TUSC3: variants seen among roughly 807,000 people sequenced by gnomAD.
TUSC3 encodes dolichyl-diphosphooligosaccharide--protein glycosyltransferase subunit TUSC3.
In TUSC3, 45 loss-of-function variants were observed where a neutral mutation model predicts 44.8. That is an observed-to-expected ratio of 1.00 (90% CI 0.79 to 1.29). The LOEUF (loss-of-function observed/expected upper bound fraction) is 1.29, where lower values mean the gene tolerates loss of function less well. Among genes scored for constraint, TUSC3 ranks in the 50% most tolerant of loss-of-function variants. TUSC3 has a pLI of 0.00. For synonymous variants in TUSC3, 212 were observed against 152.9 expected (o/e 1.39, Z -2.85); for missense variants, 519 against 437.9 (o/e 1.19, Z -1.65).
chr8:15,548,899 C>T (rs914304650), intron 1 of TUSC3, among the ~76,000 whole-genome samples: 2 of 151,722 alleles, frequency 1.3e-5, no homozygotes, highest in Non-Finnish European at 2.9e-5. Flanking sequence ...ATCCTTGAAT[C>T]TCAGTGATCA....
Position 15,608,119 on chromosome 8 carries a change from C to T in TUSC3, c.139-14961C>T, listed in dbSNP as rs543090633. ...TTGCATTTAATTAGCACTATATTCACATTTGGCTTTTACCATAGCTTATTT... is the reference window on the plus strand; with the variant it reads ...TTGCATTTAATTAGCACTATATTCATATTTGGCTTTTACCATAGCTTATTT... On this transcript the variant is annotated intron_variant, in intron 1 of 10. Transcript: ENST00000503731. Among the ~76,000 whole-genome samples, 6 of 152,262 alleles carry T rather than the reference C, an allele frequency of 3.9e-5. No homozygotes were observed. The East Asian group carries it at 9.7e-4, about 25-fold the overall frequency.
Position 15,555,753 on chromosome 8 carries a change from C to A in TUSC3, c.138+15185C>A, listed in dbSNP as rs184994447. Among the ~76,000 whole-genome samples the A allele has an allele frequency of 1.9e-4, 29 of 151,556 alleles. No homozygotes were observed. The East Asian group carries it at 3.1e-3, about 16-fold the overall frequency. On this transcript the variant is annotated intron_variant, in intron 1 of 10. Transcript: ENST00000503731. Reference sequence around the variant, plus strand: ...GGAATATTGCATGTATCTAAAGAATCTTGTAGAAGTTTAGCAACATTTGAT... The same window carrying A: ...GGAATATTGCATGTATCTAAAGAATATTGTAGAAGTTTAGCAACATTTGAT...
chr8:15,602,353 C>G (rs1465033474), intron 1 of TUSC3, among the ~76,000 whole-genome samples: 1 of 151,630 alleles, frequency 6.6e-6, no homozygotes, highest in African/African-American at 2.4e-5. Flanking sequence ...GGACAAACTT[C>G]CATCATGAAT....
chr8:15,423,961 TTTGC>T (rs1198269173), intron 1 of TUSC3, among the ~76,000 whole-genome samples: 3 of 141,808 alleles, frequency 2.1e-5, no homozygotes, highest in Admixed American at 7.5e-5. Context: ...TTCATACTGT[TTTGC>T]TTTGTTTTTT....
At chr8:15,422,761 G>C (rs1020550655) in intron 1 of TUSC3, among the ~76,000 whole-genome samples, 3 of 151,874 alleles carry the variant, frequency 2.0e-5, no homozygotes, top group Middle Eastern at 3.2e-3. Context: ...CCCCACCTCA[G>C]CCTCCCAGGT....
At chr8:15,821,400 G>A in the TUSC3 span, among the ~76,000 whole-genome samples, 1 of 126,876 alleles carries the variant, frequency 7.9e-6, no homozygotes, top group East Asian at 2.2e-4. Flanking sequence ...TCCTGTTTGT[G>A]GTTTGCTGAT....
intron 1 of TUSC3, among the ~76,000 whole-genome samples, chr8:15,585,620 C>T (rs761930744): frequency 1.3e-5 from 2 of 152,142 alleles, no homozygotes; most frequent in Non-Finnish European, 2.9e-5. Context: ...CCTGTGGGCC[C>T]TTAGCCTAGA....
chr8:15,480,383 G>A (rs1465456007), intron 1 of TUSC3, among the ~76,000 whole-genome samples: 1 of 152,136 alleles, frequency 6.6e-6, no homozygotes, highest in Non-Finnish European at 1.5e-5. Context: ...TGCTATACTT[G>A]ACTTTTCCTG....
At chr8:15,476,448 A>G (rs765818759) in intron 1 of TUSC3, among the ~76,000 whole-genome samples, 1 of 152,220 alleles carries the variant, frequency 6.6e-6, no homozygotes, top group Non-Finnish European at 1.5e-5. Flanking sequence ...TAGTAGCTAC[A>G]TTACCAAAGT....
chr8:15,754,200 G>GT (rs1420042313), intron 9 of TUSC3, among the ~76,000 whole-genome samples: 2 of 152,164 alleles, frequency 1.3e-5, no homozygotes, highest in South Asian at 2.1e-4. Flanking sequence ...ACTCCCGAAG[G>GT]TATTTCCTGG....
At position 15,454,241 on chromosome 8, in the gene TUSC3, C is replaced by T. The variant is rs568109873; in HGVS notation, n.92-29145C>T. ...GATCTCTCAAGTCACCCCCTTGGCC[C>T]TCTTCCAAGTGTACTTTACTCCATT... On this transcript the variant is annotated intron_variant and non_coding_transcript_variant, in intron 1 of 5. Coordinates refer to the TUSC3 transcript ENST00000503191. Among the ~76,000 whole-genome samples, 23 of 152,272 alleles carry T rather than the reference C, an allele frequency of 1.5e-4. 1 individual carries two copies. The highest frequency in any genetic ancestry group is 5.3e-4 in the African/African-American group (22 of 41,582).
chr8:15,772,467 A>G, the TUSC3 span, among the ~76,000 whole-genome samples: 3 of 152,222 alleles, frequency 2.0e-5, no homozygotes, highest in Non-Finnish European at 4.4e-5. Context: ...ATGAAAATTT[A>G]CTCAACAAAA....
At chr8:15,464,331 A>G (rs1800387697) in intron 1 of TUSC3, among the ~76,000 whole-genome samples, 1 of 152,174 alleles carries the variant, frequency 6.6e-6, no homozygotes, top group Admixed American at 6.6e-5. Context: ...TTCAGGAATA[A>G]CCATATGGTT....
chr8:15,460,678 C>T (rs192271842), intron 1 of TUSC3, among the ~76,000 whole-genome samples: 2 of 152,084 alleles, frequency 1.3e-5, no homozygotes, highest in African/African-American at 2.4e-5. Context: ...GATTTAAGTC[C>T]GTAATCCATC....
intron 1 of TUSC3, among the ~76,000 whole-genome samples, chr8:15,443,349 TGTGTGTG>T (rs1800046342): frequency 6.9e-6 from 1 of 145,160 alleles, no homozygotes; most frequent in South Asian, 2.2e-4. Context: ...TGTGTGTGTG[TGTGTGTG>T]TGTGTGTGTG....
chr8:15,585,994 A>T (rs1474751155), intron 1 of TUSC3, among the ~76,000 whole-genome samples: 1 of 152,192 alleles, frequency 6.6e-6, no homozygotes, highest in Non-Finnish European at 1.5e-5. Context: ...GGAATTCTGA[A>T]GAAAATCAGT....
chr8:15,462,161 A>G (rs367749287), intron 1 of TUSC3, among the ~76,000 whole-genome samples: 255 of 152,206 alleles, frequency 1.7e-3, no homozygotes, highest in African/African-American at 5.9e-3. Context: ...CATAATAATA[A>G]CTTTAGCATG....
intron 6 of TUSC3, 72 bp downstream of exon 6, chr8:15,673,908 T>C: frequency 7.9e-7 from 1 of 1,260,054 alleles, no homozygotes; most frequent in Non-Finnish European, 1.1e-6. Flanking sequence ...AAATTATGTT[T>C]AGTATTTAGT....
At chr8:15,434,682 C>G (rs1043196039) in intron 1 of TUSC3, among the ~76,000 whole-genome samples, 1 of 151,576 alleles carries the variant, frequency 6.6e-6, no homozygotes, top group African/African-American at 2.4e-5. Flanking sequence ...CCCTCCCCCA[C>G]GACTTCCCCC....
Sources: gnomAD v4.1 joint callset for allele counts (sites outside exome capture counted in the v4.1 genomes callset) on GRCh38, gnomAD v4.1.1 for gene constraint, MANE v1.5 for transcripts, NCBI Gene and HGNC (gene_info 2026-07-23, HGNC 2026-07-21) for gene names.